Variants in CSNK2A1 observed in about 807,000 individuals in gnomAD.
CSNK2A1 encodes casein kinase II subunit alpha.
Under a neutral mutation model 62.9 loss-of-function variants are expected in CSNK2A1, and 10 were observed. That is an observed-to-expected ratio of 0.16 (90% CI 0.10 to 0.27). The LOEUF (loss-of-function observed/expected upper bound fraction) is 0.27, where lower values mean the gene tolerates loss of function less well. Ranked by LOEUF, CSNK2A1 falls within the 10% of genes least tolerant of loss-of-function variation. The pLI, the probability that CSNK2A1 is intolerant of heterozygous loss-of-function variation, is 1.00. For missense variants in CSNK2A1, 160 were observed against 492.0 expected, an observed-to-expected ratio of 0.33 and a Z score of 6.38; for synonymous variants, 124 against 167.8, an observed-to-expected ratio of 0.74 and a Z score of 2.02.
In CSNK2A1 at chr20:474,721, A is replaced by G. The variant is rs6107396; in HGVS notation, c.*9240T>C. On this transcript the variant is annotated 3_prime_UTR_variant, in exon 14 of 14. Coordinates refer to ENST00000217244, the MANE Select transcript of CSNK2A1 (RefSeq NM_177559.3). ...CGCTTGTCCTGTTACCAACACCACC[A>G]CACATGCCAGCATTTCCCATCACTC... is the stretch of plus-strand genomic sequence containing the variant. 0.17 allele frequency: 25,190 copies of G among 152,154 alleles called. 3,034 individuals carry two copies. Among genetic ancestry groups the G allele is most frequent in the African/African-American group, 0.34 (14,219 of 41,454 alleles). The allele number at this position is 152,154 out of a possible 1,614,324, so 9.4% of individuals were successfully genotyped here.
intron 2 of CSNK2A1, among the ~76,000 whole-genome samples, chr20:518,989 G>T (rs2018888887): frequency 7.0e-6 from 1 of 143,854 alleles, no homozygotes; most frequent in African/African-American, 2.6e-5. Flanking sequence ...AGGTTAGAGT[G>T]CAGTGGCACG....
chr20:531,403 T>G (rs1392733525), intron 1 of CSNK2A1, among the ~76,000 whole-genome samples: 1 of 152,146 alleles, frequency 6.6e-6, no homozygotes, highest in African/African-American at 2.4e-5. Context: ...CTGAAGGCAT[T>G]TGAGCAATCA....
intron 1 of CSNK2A1, among the ~76,000 whole-genome samples, chr20:537,629 T>G (rs1405192730): frequency 6.6e-6 from 1 of 152,214 alleles, no homozygotes; most frequent in East Asian, 1.9e-4. Flanking sequence ...ATTTCTTCAT[T>G]TGAAAAGCTG....
At position 484,697 on chromosome 20, in the gene CSNK2A1, TG is replaced by T. The variant is rs1451959235; in HGVS notation, c.1061-622del. Among the ~76,000 whole-genome samples the T allele has an allele frequency of 7.3e-3, 491 of 66,974 alleles. 3 individuals carry two copies. Among genetic ancestry groups the T allele is most frequent in the African/African-American group, 0.035 (459 of 13,282 alleles). The allele number at this position is 66,974 out of a possible 152,430, so 43.9% of individuals were successfully genotyped here. A position where few individuals can be genotyped will look rare whatever the true frequency, so the allele number is the denominator to read the frequency against. On this transcript the variant is annotated intron_variant, in intron 13 of 13. Transcript: ENST00000217244. ...TTCCACCTCTCTAATCATGTTTTTGTGTGTGTGTGTGTGTGTGTGTGTGTGT... is the reference window on the plus strand; with the variant it reads ...TTCCACCTCTCTAATCATGTTTTTGTTGTGTGTGTGTGTGTGTGTGTGTGT...
intron 2 of CSNK2A1, among the ~76,000 whole-genome samples, chr20:511,301 C>T (rs2018714167): frequency 6.6e-6 from 1 of 152,118 alleles, no homozygotes; most frequent in African/African-American, 2.4e-5. Flanking sequence ...GATTGCACCA[C>T]TGCACTCCAG....
rs543473805 is a variant in CSNK2A1 at position 478,469 on chromosome 20, T to C, written c.*5492A>G. The C allele has an allele frequency of 4.6e-6, 1 of 218,582 alleles. No homozygotes were observed. Among genetic ancestry groups the C allele is most frequent in the South Asian group, 4.3e-5 (1 of 23,448 alleles). 13.5% of individuals were successfully genotyped at this position (218,582 alleles called of 1,614,324 possible). On this transcript the variant is annotated 3_prime_UTR_variant, in exon 14 of 14. Coordinates refer to ENST00000217244, the MANE Select transcript of CSNK2A1 (RefSeq NM_177559.3). ...CTGCTGCAGCATTTTTTTCCCTTTT[T>C]CTCATTACAGGAGCCAAGAAAACTG...
intron 7 of CSNK2A1, 157 bp from the exon 8 acceptor site, chr20:495,959 C>A: frequency 1.7e-6 from 1 of 602,472 alleles, no homozygotes. Flanking sequence ...GAGACTTGTT[C>A]ATGATCTCAC....
chr20:492,381 C>G lies in CSNK2A1; in HGVS notation c.511-17G>C. ...TAGTCGTAGCTGAAAAAGAATAAAC[C>G]ATGAGCAATCTTATCTTTCTCTAAG... On this transcript the variant is annotated splice_polypyrimidine_tract_variant and intron_variant, in intron 8 of 13. Coordinates refer to ENST00000217244, the MANE Select transcript of CSNK2A1 (RefSeq NM_177559.3). 2 of 1,612,602 alleles carry G rather than the reference C, an allele frequency of 1.2e-6. No homozygotes were observed. Among genetic ancestry groups the G allele is most frequent in the Non-Finnish European group, 1.7e-6 (2 of 1,178,824 alleles).
intron 8 of CSNK2A1, chr20:494,023 C>T (rs1226759395): frequency 3.4e-5 from 5 of 145,980 alleles, no homozygotes; most frequent in Non-Finnish European, 7.5e-5. Context: ...CACTTTTCCC[C>T]ATTTTTTTTT....
At chr20:487,325 G>A (rs1415790141) in intron 12 of CSNK2A1, 102 bp downstream of exon 12, 7 of 1,529,258 alleles carry the variant, frequency 4.6e-6, no homozygotes, top group Middle Eastern at 2.4e-4. Flanking sequence ...CTCAGTGTGG[G>A]TGAATTAACT....
rs2017932468 is a variant in CSNK2A1, at chr20:480,298, ATGGAG to A, written c.*3658_*3662del. On this transcript the variant is annotated 3_prime_UTR_variant, in exon 14 of 14. Transcript: ENST00000217244. ...TGTGTGTAGGGAGAGAAAGGGGGCA[ATGGAG>A]TGGAGAGTGGAACTACAATTTATTA... The A allele has an allele frequency of 3.3e-5, 5 of 151,138 alleles. No individual in the cohort carries two copies. The South Asian group carries it at 1.0e-3, about 32-fold the overall frequency. The allele number at this position is 151,138 out of a possible 1,614,324, so 9.4% of individuals were successfully genotyped here. A position where few individuals can be genotyped will look rare whatever the true frequency, so the allele number is the denominator to read the frequency against.
In CSNK2A1 at chr20:519,805, T is replaced by C. The variant is rs993082503; in HGVS notation, c.-110+8128A>G. Among the ~76,000 whole-genome samples, 11 of 152,022 alleles carry C rather than the reference T, an allele frequency of 7.2e-5. No homozygotes were observed. The East Asian group carries it at 1.7e-3, about 24-fold the overall frequency. ...AAATAAAGAGCAAAAAAGAGGAAAA[T>C]TTACAGACAGCTCCAAACAAACACT... On this transcript the variant is annotated intron_variant, in intron 2 of 13. Transcript: ENST00000217244.
chr20:532,063 A>G (rs1003119685), intron 1 of CSNK2A1, among the ~76,000 whole-genome samples: 2 of 152,338 alleles, frequency 1.3e-5, no homozygotes, highest in Non-Finnish European at 2.9e-5. Flanking sequence ...AAAACTTAAA[A>G]CCAAGATTAT....
intron 3 of CSNK2A1, 25 bp downstream of exon 3, chr20:508,426 T>C (rs970856814): frequency 1.4e-5 from 22 of 1,612,838 alleles, no homozygotes; most frequent in Non-Finnish European, 1.8e-5. Context: ...TGAGTGAGTA[T>C]AATGAAGTCA....
chr20:496,331 T>C (rs1292351476), intron 7 of CSNK2A1: 1 of 155,982 alleles, frequency 6.4e-6, no homozygotes, highest in East Asian at 1.9e-4. Context: ...AACAGCAGAC[T>C]TGAATAGTGT....
At chr20:527,725 C>T (rs1843749669) in intron 2 of CSNK2A1, among the ~76,000 whole-genome samples, 1 of 137,396 alleles carries the variant, frequency 7.3e-6, no homozygotes, top group South Asian at 3.1e-4. Context: ...TTGGTGGATG[C>T]CCCGTGTTTC....
At chr20:486,700 G>C (rs188443193) in intron 12 of CSNK2A1, 2 of 487,582 alleles carry the variant, frequency 4.1e-6, no homozygotes, top group Non-Finnish European at 7.4e-6. Flanking sequence ...GTAGAAAGAT[G>C]AGGTAATTAT....
At chr20:500,634 CTT>C (rs11479834) in intron 4 of CSNK2A1, 15 of 130,292 alleles carry the variant, frequency 1.2e-4, no homozygotes, top group African/African-American at 2.4e-4. Context: ...CACCAATGCT[CTT>C]TTTTTTTTTT....
At chr20:530,507 C>T (rs1259422143) in intron 1 of CSNK2A1, among the ~76,000 whole-genome samples, 1 of 146,312 alleles carries the variant, frequency 6.8e-6, no homozygotes, top group African/African-American at 2.6e-5. Context: ...CTTGCTCTGT[C>T]ACCCAGGCTG....
Sources: allele counts gnomAD v4.1 joint callset (sites outside exome capture counted in the v4.1 genomes callset), GRCh38; gene constraint gnomAD v4.1.1; transcripts MANE v1.5; gene names NCBI Gene and HGNC (gene_info 2026-07-23, HGNC 2026-07-21).